Variants in CYP1A1 observed in about 807,000 individuals in gnomAD.
The protein encoded by CYP1A1 is cytochrome P450 family 1 subfamily A member 1, also known as cytochrome P450 1A1.
Under a neutral mutation model 33.6 loss-of-function variants are expected in CYP1A1, and 43 were observed. That is an observed-to-expected ratio of 1.28 (90% CI 1.00 to 1.65). The LOEUF (loss-of-function observed/expected upper bound fraction) is 1.65. Ranked by LOEUF, CYP1A1 falls within the 40% of genes most tolerant of loss-of-function variation. The probability of loss-of-function intolerance (pLI) is 0.00; values close to 1 mark genes in which losing one functional copy is unlikely to be tolerated. For missense variants in CYP1A1, 637 were observed against 653.7 expected (o/e 0.97, Z 0.28); for synonymous variants, 280 against 257.8 (o/e 1.09, Z -0.83).
chr15:74,720,309 A>G lies in CYP1A1; in HGVS notation c.*180T>C. The stretch of plus-strand genomic sequence containing the variant: ...TGTCTCTGGAGGGTGTGCAGAGGCA[A>G]GTCCAGGGTAGGGGCAGGCAGGATC... On this transcript the variant is annotated 3_prime_UTR_variant, in exon 7 of 7. Coordinates refer to ENST00000379727, the MANE Select transcript of CYP1A1 (RefSeq NM_001319217.2). 8 of 557,858 alleles carry G rather than the reference A, an allele frequency of 1.4e-5. No homozygotes were observed. Among genetic ancestry groups the G allele is most frequent in the Admixed American group, 3.7e-5 (1 of 27,222 alleles). The allele number at this position is 557,858 out of a possible 1,614,324, so 34.6% of individuals were successfully genotyped here. A position where few individuals can be genotyped will look rare whatever the true frequency, so the allele number is the denominator to read the frequency against.
Position 74,720,383 on chromosome 15 carries a change from G to T in CYP1A1, c.*106C>A. On this transcript the variant is annotated 3_prime_UTR_variant, in exon 7 of 7. Transcript: ENST00000379727. ...ATAGCAAAACTGCAGCCAGATCAGTGTCTATGAGTTTCAGGCTGAACCTTA... is the reference window on the plus strand; with the variant it reads ...ATAGCAAAACTGCAGCCAGATCAGTTTCTATGAGTTTCAGGCTGAACCTTA... 1 of 1,294,500 alleles carries T rather than the reference G, an allele frequency of 7.7e-7. No homozygotes were observed. Among genetic ancestry groups the T allele is most frequent in the Non-Finnish European group, 1.1e-6 (1 of 948,572 alleles). 80.2% of individuals were successfully genotyped at this position (1,294,500 alleles called of 1,614,324 possible).
At chr15:74,723,326 G>A (rs1404802910) in intron 1 of CYP1A1, among the ~76,000 whole-genome samples, 200 bp from the exon 2 acceptor site, 2 of 152,088 alleles carry the variant, frequency 1.3e-5, no homozygotes, top group African/African-American at 2.4e-5. Flanking sequence ...ATTCAGCCCT[G>A]GCCACAAATC....
Position 74,721,301 on chromosome 15 carries a change from C to T in CYP1A1, c.1064G>A (p.Arg355Gln), listed in dbSNP as rs753298761. ...GGATCTGTCAGAGAGCCGGGGCCGC[C>T]GTGACCTGCCAATCACTGTGTCTGC... ...EELDTVIGRS[R>Q]RPRLSDRSHL... is the part of the protein sequence containing the mutation. Residue 355 changes from arginine to glutamine, a missense_variant, in exon 5 of 7, where the codon CGG becomes CAG. By Grantham distance (43) the Arg-to-Gln change is conservative. Transcript: ENST00000379727. 114 of 1,613,498 alleles carry T rather than the reference C, an allele frequency of 7.1e-5. No homozygotes were observed. Among genetic ancestry groups the T allele is most frequent in the Non-Finnish European group, 8.9e-5 (105 of 1,179,780 alleles).
intron 1 of CYP1A1, 48 bp from the exon 2 acceptor site, chr15:74,723,174 G>T: frequency 2.7e-6 from 3 of 1,110,580 alleles, no homozygotes; most frequent in Non-Finnish European, 3.8e-6. Context: ...CAGATTGGGG[G>T]ATGAGAAAAG....
At position 74,720,285 on chromosome 15, in the gene CYP1A1, G is replaced by T; in HGVS notation, c.*204C>A. 6.2e-6 allele frequency: 3 copies of T among 482,264 alleles called. No homozygotes were observed. The highest frequency in any genetic ancestry group is 1.1e-5 in the Non-Finnish European group (3 of 281,908). The allele number at this position is 482,264 out of a possible 1,614,324, so 29.9% of individuals were successfully genotyped here. On this transcript the variant is annotated 3_prime_UTR_variant, in exon 7 of 7. Transcript: ENST00000379727. ...TCTATGTGGCCCTGTTTTACCTGTT[G>T]TCTCTGGAGGGTGTGCAGAGGCAAG...
rs751256789 is a variant in CYP1A1 at position 74,721,593 on chromosome 15, G to A, written c.950C>T (p.Ala317Val). 13 of 1,614,188 alleles carry A rather than the reference G, an allele frequency of 8.1e-6. No homozygotes were observed. Among genetic ancestry groups the A allele is most frequent in the Admixed American group, 1.7e-5 (1 of 60,024 alleles). ...AGGACACAATGGGGTAACCATACCAGCTCCAAAGAGGTCCAAGACGATGTT... is the reference window on the plus strand; with the variant it reads ...AGGACACAATGGGGTAACCATACCAACTCCAAAGAGGTCCAAGACGATGTT... ...IINIVLDLFG[A>V]GFDTVTTAIS... The change falls in exon 3 of 7, where the codon GCT becomes GTT. Residue 317 changes from alanine (A) to valine (V), a missense_variant and splice_region_variant. Ala to Val is a moderately conservative substitution (Grantham distance 64, BLOSUM62 0). Transcript: ENST00000379727.
chr15:74,724,612 T>C (rs1309882141), intron 1 of CYP1A1, among the ~76,000 whole-genome samples: 1 of 150,120 alleles, frequency 6.7e-6, no homozygotes, highest in Non-Finnish European at 1.5e-5. Context: ...ACAAGTATTA[T>C]AGTGGAGGGA....
At chr15:74,721,893 G>T (rs2063173380) in intron 2 of CYP1A1, 176 bp from the exon 3 acceptor site, 4 of 742,816 alleles carry the variant, frequency 5.4e-6, no homozygotes, top group African/African-American at 1.8e-5. Flanking sequence ...TTAGAATGCT[G>T]CTAGCCCCAA....
In CYP1A1 at chr15:74,720,473, C is replaced by T. The variant is rs751256989; in HGVS notation, c.*16G>A. 1.3e-6 allele frequency: 2 copies of T among 1,545,876 alleles called. No individual in the cohort carries two copies. The highest frequency in any genetic ancestry group is 2.5e-5 in the South Asian group (2 of 79,196). ...GACCAGGTAGACAGAGTCTAGGCCT[C>T]AGGGCTCTCAAGCACCTAAGAGCGC... On this transcript the variant is annotated 3_prime_UTR_variant, in exon 7 of 7. Transcript: ENST00000379727.
rs908318577 is a variant in CYP1A1 at position 74,720,155 on chromosome 15, C to G, written c.*334G>C. ...TCACAGAGCCAGCTAGGTACTGGGC[C>G]CAGGGGCTTCCAGAGAGTTCTTCAG... is the stretch of plus-strand genomic sequence containing the variant. On this transcript the variant is annotated 3_prime_UTR_variant, in exon 7 of 7. Transcript: ENST00000379727. 9.1e-6 allele frequency: 2 copies of G among 218,894 alleles called. No homozygotes were observed. The highest frequency in any genetic ancestry group is 1.8e-5 in the Non-Finnish European group (2 of 112,994). 13.6% of individuals were successfully genotyped at this position (218,894 alleles called of 1,614,324 possible).
At chr15:74,723,732 C>T (rs1351383882) in intron 1 of CYP1A1, among the ~76,000 whole-genome samples, 1 of 152,220 alleles carries the variant, frequency 6.6e-6, no homozygotes, top group Non-Finnish European at 1.5e-5. Flanking sequence ...CCTTTAGCCT[C>T]ATTTAACATT....
In CYP1A1 at chr15:74,722,575, G is replaced by A; in HGVS notation, c.523C>T (p.Gln175Ter). ...KEAEVLISTL[Q>*]ELMAGPGHFN... Reference sequence around the variant, plus strand: ...TGCCCAGGCCCTGCCATCAGCTCCTGCAACGTGCTTATCAGGACCTCAGCC... The same window carrying A: ...TGCCCAGGCCCTGCCATCAGCTCCTACAACGTGCTTATCAGGACCTCAGCC... The change falls in exon 2 of 7, where the codon CAG becomes TAG. Residue 175 changes from glutamine to a stop codon, truncating the protein, a stop_gained. Coordinates refer to ENST00000379727, the MANE Select transcript of CYP1A1 (RefSeq NM_001319217.2). LOFTEE classifies it high-confidence loss of function. 1 of 1,614,160 alleles carries A rather than the reference G, an allele frequency of 6.2e-7. No individual in the cohort carries two copies. The highest frequency in any genetic ancestry group is 1.1e-5 in the South Asian group (1 of 91,078).
chr15:74,720,962 C>T lies in CYP1A1; in HGVS notation c.1253+5G>A. The T allele has an allele frequency of 6.2e-7, 1 of 1,614,048 alleles. No individual in the cohort carries two copies. Among genetic ancestry groups the T allele is most frequent in the Non-Finnish European group, 8.5e-7 (1 of 1,179,922 alleles). ...CCAGCCTTTCCTCTGCATCTCTGAACTTACTGGTCATGGTTGATCTGCCAC... is the reference window on the plus strand; with the variant it reads ...CCAGCCTTTCCTCTGCATCTCTGAATTTACTGGTCATGGTTGATCTGCCAC... On this transcript the variant is annotated splice_donor_5th_base_variant and intron_variant, in intron 6 of 6. Coordinates refer to ENST00000379727, the MANE Select transcript of CYP1A1 (RefSeq NM_001319217.2).
chr15:74,723,024 A>T lies in CYP1A1; in HGVS notation c.74T>A (p.Val25Glu). The T allele has an allele frequency of 6.2e-7, 1 of 1,613,268 alleles. No homozygotes were observed. Among genetic ancestry groups the T allele is most frequent in the Non-Finnish European group, 8.5e-7 (1 of 1,179,498 alleles). The change falls in exon 2 of 7, where the codon GTA (valine) becomes GAA (glutamate). Residue 25 changes from valine (V) to glutamate (E), a missense_variant. Val to Glu is a moderately radical substitution (Grantham distance 121). Transcript: ENST00000379727. Reference sequence around the variant, plus strand: ...GACCTGAGGTCTTGAGGCCCTGATTACCCAGAATACCAGACAGAAGATGAC... The same window carrying T: ...GACCTGAGGTCTTGAGGCCCTGATTTCCCAGAATACCAGACAGAAGATGAC... ...ASVIFCLVFW[V>E]IRASRPQVPK... is the part of the protein sequence containing the mutation.
At chr15:74,725,304 G>C (rs2063207385) in intron 1 of CYP1A1, 137 bp downstream of exon 1, 1 of 152,382 alleles carries the variant, frequency 6.6e-6, no homozygotes, top group Non-Finnish European at 1.5e-5. Flanking sequence ...GGGCTAGACT[G>C]CCTGGTCACT....
At position 74,720,791 on chromosome 15, in the gene CYP1A1, A is replaced by G; in HGVS notation, c.1254-17T>C. 1 of 1,598,980 alleles carries G rather than the reference A, an allele frequency of 6.3e-7. No individual in the cohort carries two copies. The highest frequency in any genetic ancestry group is 8.5e-7 in the Non-Finnish European group (1 of 1,171,666). On this transcript the variant is annotated splice_polypyrimidine_tract_variant and intron_variant, in intron 6 of 6. Coordinates refer to ENST00000379727, the MANE Select transcript of CYP1A1 (RefSeq NM_001319217.2). ...CATAGCTTCCTGTAACCAGAGGGAG[A>G]CAGCTGAAGTGGCAGTTCAGGGCTC...
Position 74,720,516 on chromosome 15 carries a change from C to T in CYP1A1, c.1512G>A (p.Glu504=), listed in dbSNP as rs773506583. 6.3e-7 allele frequency: 1 copy of T among 1,584,672 alleles called. No individual in the cohort carries two copies. The highest frequency in any genetic ancestry group is 1.2e-5 in the South Asian group (1 of 85,064). The change falls in exon 7 of 7, where the codon GAG becomes GAA. Residue 504 remains glutamate (E), a synonymous_variant. Coordinates refer to ENST00000379727, the MANE Select transcript of CYP1A1 (RefSeq NM_001319217.2). ...AAGAGCGCAGCTGCATTTGGAAGTG[C>T]TCACAGCAGGCATGCTTCATGGTTA... ...YGLTMKHACC[E]HFQMQLRS is the part of the protein sequence containing the mutation.
Position 74,722,874 on chromosome 15 carries a change from T to G in CYP1A1, c.224A>C (p.Gln75Pro), listed in dbSNP as rs554072118. The change falls in exon 2 of 7, where the codon CAG (glutamine) becomes CCG (proline). Residue 75 changes from glutamine (Q) to proline (P), a missense_variant. By Grantham distance (76) the Gln-to-Pro change is moderately conservative. Transcript: ENST00000379727. ...RMSQQYGDVL[Q>P]IRIGSTPVVV... is the part of the protein sequence containing the mutation. ...CACGGGTGTGGAGCCAATTCGGATC[T>G]GCAGCACGTCCCCATACTGCTGGCT... 5.1e-5 allele frequency: 82 copies of G among 1,614,172 alleles called. No homozygotes were observed. In the East Asian group the frequency reaches 1.3e-3, roughly 26 times the overall value.
Position 74,722,618 on chromosome 15 carries a change from T to C in CYP1A1, c.480A>G (p.Glu160=). The C allele has an allele frequency of 6.2e-7, 1 of 1,614,106 alleles. No homozygotes were observed. Among genetic ancestry groups the C allele is most frequent in the South Asian group, 1.1e-5 (1 of 91,080 alleles). The part of the protein sequence containing the change: ...DPASSTSCYL[E]EHVSKEAEVL... ...CCTCAGCCTCCTTGCTCACATGCTC[T>C]TCCAGGTAGCAGGAGGTTGAGGAGG... is the stretch of plus-strand genomic sequence containing the variant. The change falls in exon 2 of 7, where the codon GAA becomes GAG. Residue 160 remains glutamate (E), a synonymous_variant. Transcript: ENST00000379727.
Sources: gnomAD v4.1 joint callset for allele counts (sites outside exome capture counted in the v4.1 genomes callset) on GRCh38, gnomAD v4.1.1 for gene constraint, MANE v1.5 for transcripts, NCBI Gene and HGNC (gene_info 2026-07-23, HGNC 2026-07-21) for gene names.